OGDH: variants seen among roughly 807,000 people sequenced by gnomAD.
The protein encoded by OGDH is 2-oxoglutarate dehydrogenase complex component E1.
Under a neutral mutation model 116.6 loss-of-function variants are expected in OGDH, and 38 were observed. The ratio of observed to expected loss-of-function variants is 0.33; its 90% confidence interval spans 0.25 to 0.43. The LOEUF is 0.43. Ranked by LOEUF, OGDH falls within the 20% of genes least tolerant of loss-of-function variation. The pLI is 1.00. For synonymous variants in OGDH, 488 were observed against 533.3 expected (o/e 0.92, Z 1.17); for missense variants, 825 against 1,357.2 (o/e 0.61, Z 6.16).
At position 44,627,089 on chromosome 7, in the gene OGDH, G is replaced by A. The variant is rs112317064; in HGVS notation, c.222+2524G>A. ...TCAGCTCACTGCAACCTCCACCTCC[G>A]AGGCTCAAGCGATTCTCCTGCCTCA... On this transcript the variant is annotated intron_variant, in intron 2 of 22. Transcript: ENST00000222673. Among the ~76,000 whole-genome samples the A allele has an allele frequency of 2.5e-3, 384 of 152,070 alleles. 4 individuals carry two copies. The highest frequency in any genetic ancestry group is 8.6e-3 in the African/African-American group (355 of 41,496).
At position 44,629,622 on chromosome 7, in the gene OGDH, A is replaced by G. The variant is rs1585244436; in HGVS notation, c.222+5057A>G. Among the ~76,000 whole-genome samples, 4 of 133,106 alleles carry G rather than the reference A, an allele frequency of 3.0e-5. No individual in the cohort carries two copies. In the South Asian group the frequency reaches 9.2e-4, roughly 30 times the overall value. 87.3% of individuals were successfully genotyped at this position (133,106 alleles called of 152,430 possible). A position where few individuals can be genotyped will look rare whatever the true frequency, so the allele number is the denominator to read the frequency against. ...TTGAGACGAGTCTCGCTCTGTCACCAAGTCTGGAGTGCAGTGGCGCAGTCT... is the reference window on the plus strand; with the variant it reads ...TTGAGACGAGTCTCGCTCTGTCACCGAGTCTGGAGTGCAGTGGCGCAGTCT... On this transcript the variant is annotated intron_variant, in intron 2 of 22. Coordinates refer to ENST00000222673, the MANE Select transcript of OGDH (RefSeq NM_002541.4).
intron 4 of OGDH, among the ~76,000 whole-genome samples, chr7:44,657,176 A>T (rs1230513852): frequency 1.3e-5 from 2 of 152,172 alleles, no homozygotes; most frequent in African/African-American, 4.8e-5. Context: ...CACTAAATTG[A>T]TAAAGTAAGA....
intron 2 of OGDH, among the ~76,000 whole-genome samples, chr7:44,644,700 G>A (rs1336199153): frequency 5.3e-5 from 8 of 152,188 alleles, no homozygotes; most frequent in Non-Finnish European, 2.9e-5. Flanking sequence ...TCCTGAGGTA[G>A]CAATGATATT....
intron 5 of OGDH, among the ~76,000 whole-genome samples, chr7:44,670,635 G>A (rs571602645): frequency 6.6e-6 from 1 of 152,232 alleles, no homozygotes; most frequent in Admixed American, 6.5e-5. Context: ...TAGGGATTAG[G>A]GGGCCAACTA....
In OGDH at chr7:44,707,202, T is replaced by C; in HGVS notation, c.2633-23T>C. 6.2e-7 allele frequency: 1 copy of C among 1,612,966 alleles called. No homozygotes were observed. The highest frequency in any genetic ancestry group is 8.5e-7 in the Non-Finnish European group (1 of 1,179,326). ...AGCCACATACCTGAGAGAACCAGCCTAGCCATGGGAACTCTCTTGTAGGAA... is the reference window on the plus strand; with the variant it reads ...AGCCACATACCTGAGAGAACCAGCCCAGCCATGGGAACTCTCTTGTAGGAA... On this transcript the variant is annotated intron_variant, in intron 20 of 22. Transcript: ENST00000222673. This position sits in a 1 kb window ranked among gnomAD's most constrained non-coding sequence, Gnocchi z 5.2.
At chr7:44,608,678 G>A (rs1377504104) in intron 1 of OGDH, among the ~76,000 whole-genome samples, 2 of 151,666 alleles carry the variant, frequency 1.3e-5, no homozygotes, top group East Asian at 1.9e-4. Flanking sequence ...TCGAGATGGC[G>A]CCACGGCACT....
intron 20 of OGDH, among the ~76,000 whole-genome samples, chr7:44,703,745 G>A (rs12113196): frequency 0.23 from 34,786 of 150,774 alleles, 7,305 homozygotes; most frequent in African/African-American, 0.55. Context: ...ACTAGCCGGG[G>A]GTGGTGGCGC....
At chr7:44,614,203 C>T (rs978099447) in intron 1 of OGDH, among the ~76,000 whole-genome samples, 1 of 151,012 alleles carries the variant, frequency 6.6e-6, no homozygotes, top group African/African-American at 2.4e-5. Flanking sequence ...CCTTTCACCT[C>T]AGCCTCCCAA....
At chr7:44,626,487 C>T (rs981131729) in intron 2 of OGDH, among the ~76,000 whole-genome samples, 1 of 152,086 alleles carries the variant, frequency 6.6e-6, no homozygotes, top group Admixed American at 6.6e-5. Flanking sequence ...TTGGAACCAA[C>T]CAAGTTGTTT....
chr7:44,665,113 T>C (rs1007765813), intron 4 of OGDH, among the ~76,000 whole-genome samples: 1 of 152,172 alleles, frequency 6.6e-6, no homozygotes, highest in Non-Finnish European at 1.5e-5. Context: ...ATTCTGTTTT[T>C]CCTCCATAAA....
chr7:44,699,102 C>T (rs1298407595), intron 18 of OGDH, among the ~76,000 whole-genome samples: 2 of 151,850 alleles, frequency 1.3e-5, no homozygotes, highest in African/African-American at 2.4e-5. Flanking sequence ...AAGATTGTGC[C>T]GCTGCACTCC....
intron 4 of OGDH, among the ~76,000 whole-genome samples, chr7:44,653,868 T>A (rs1041581447): frequency 7.3e-5 from 11 of 151,430 alleles, no homozygotes; most frequent in East Asian, 3.9e-4. Context: ...ATTTTATTTT[T>A]TTTTGAGACG....
chr7:44,652,590 AG>A (rs1786499538), intron 4 of OGDH, among the ~76,000 whole-genome samples: 1 of 152,070 alleles, frequency 6.6e-6, no homozygotes, highest in Non-Finnish European at 1.5e-5. Context: ...AAATAGAGAC[AG>A]GGTCTTATTA....
intron 2 of OGDH, among the ~76,000 whole-genome samples, chr7:44,632,132 C>A (rs762655138): frequency 7.2e-5 from 11 of 152,094 alleles, no homozygotes; most frequent in Non-Finnish European, 1.6e-4. Context: ...GCTGTGGGAG[C>A]ATGGACCCCT....
At chr7:44,642,075 T>G (rs926272248) in intron 2 of OGDH, among the ~76,000 whole-genome samples, 56 of 152,334 alleles carry the variant, frequency 3.7e-4, no homozygotes, top group African/African-American at 1.3e-3. Flanking sequence ...CTTTGGAGAT[T>G]CCAAACCCTG....
At position 44,698,347 on chromosome 7, in the gene OGDH, C is replaced by T. The variant is rs1788679487; in HGVS notation, c.2430+84C>T. ...GGGAAGAGCAATCTATCTGGTCATC[C>T]TGAAGTGGCAGACCGTGCCTCTGTC... On this transcript the variant is annotated intron_variant, in intron 18 of 22. Transcript: ENST00000222673. 2.1e-6 allele frequency: 3 copies of T among 1,398,778 alleles called. No individual in the cohort carries two copies. The Admixed American group carries it at 5.2e-5, about 24-fold the overall frequency. 86.6% of individuals were successfully genotyped at this position (1,398,778 alleles called of 1,614,324 possible).
At chr7:44,643,277 C>T (rs1585272631) in intron 2 of OGDH, among the ~76,000 whole-genome samples, 1 of 152,184 alleles carries the variant, frequency 6.6e-6, no homozygotes. Flanking sequence ...CACCCAGCTA[C>T]AGTGGTTTTT....
chr7:44,704,516 G>C (rs1788977781), intron 20 of OGDH, among the ~76,000 whole-genome samples: 1 of 151,890 alleles, frequency 6.6e-6, no homozygotes, highest in African/African-American at 2.4e-5. Flanking sequence ...ACGGTACCCA[G>C]CCTATTCAAA....
chr7:44,682,609 C>G lies in OGDH; in HGVS notation c.1335+761C>G, dbSNP rs1004632592. ...GCTTGGGAGGCTGAGGCACAAGAAT[C>G]ACTTGAAACCCTTGAGGCGGAGGTT... is the stretch of plus-strand genomic sequence containing the variant. On this transcript the variant is annotated intron_variant, in intron 10 of 22. Transcript: ENST00000222673. Among the ~76,000 whole-genome samples the G allele has an allele frequency of 4.0e-5, 6 of 151,276 alleles. No individual in the cohort carries two copies. In the Middle Eastern group the frequency reaches 0.01, roughly 261 times the overall value.
Sources: gnomAD v4.1 joint callset for allele counts (sites outside exome capture counted in the v4.1 genomes callset) on GRCh38, gnomAD v4.1.1 for gene constraint, Gnocchi (gnomAD v3.1) non-coding constraint, MANE v1.5 for transcripts, NCBI Gene and HGNC (gene_info 2026-07-23, HGNC 2026-07-21) for gene names.